The following GLB1L2 variants were observed in gnomAD, a reference collection of about 807,000 sequenced individuals.
The protein encoded by GLB1L2 is beta-galactosidase-1-like protein 2.
Under a neutral mutation model 84.1 loss-of-function variants are expected in GLB1L2, and 68 were observed. That is an observed-to-expected ratio of 0.81 (90% confidence interval 0.67 to 0.99). GLB1L2 has a LOEUF of 0.99. GLB1L2 is among the 50% of genes least tolerant of loss of function. The pLI, the probability that GLB1L2 is intolerant of heterozygous loss-of-function variation, is 0.00. For synonymous variants in GLB1L2, 290 were observed against 318.0 expected (o/e 0.91, Z 0.94); for missense variants, 762 against 805.6 (o/e 0.95, Z 0.66).
intron 7 of GLB1L2, among the ~76,000 whole-genome samples, chr11:134,362,242 C>CTACTA (rs1943803199): frequency 6.6e-6 from 1 of 152,082 alleles, no homozygotes; most frequent in Non-Finnish European, 1.5e-5. Flanking sequence ...TCATAGCATA[C>CTACTA]TTTAGAAATG....
At chr11:134,347,133 A>C (rs1210521821) in intron 4 of GLB1L2, 192 bp from the exon 5 acceptor site, 1 of 579,596 alleles carries the variant, frequency 1.7e-6, no homozygotes, top group Non-Finnish European at 3.1e-6. Flanking sequence ...GGGAAGCTGC[A>C]GGAGTGCGGG....
Position 134,332,050 on chromosome 11 carries a change from AGAG to A in GLB1L2, c.-11_-9del. On this transcript the variant is annotated 5_prime_UTR_variant, in exon 1 of 19. Coordinates refer to ENST00000535456, the MANE Select transcript of GLB1L2 (RefSeq NM_001370461.1). ...AGTGGGAACCCGGGTCCCCGCGCTT[AGAG>A]AACACGCGATGACCACGTGGAGCCT... The A allele has an allele frequency of 6.5e-7, 1 of 1,550,092 alleles. No individual in the cohort carries two copies. The highest frequency in any genetic ancestry group is 1.2e-5 in the South Asian group (1 of 84,832).
At chr11:134,358,156 C>T (rs1280163651) in intron 6 of GLB1L2, among the ~76,000 whole-genome samples, 6 of 152,256 alleles carry the variant, frequency 3.9e-5, no homozygotes, top group South Asian at 4.1e-4. Context: ...AAGATTTCAG[C>T]GGAAATAAAC....
At chr11:134,356,232 G>A in intron 5 of GLB1L2, 69 bp from the exon 6 acceptor site, 1 of 1,172,984 alleles carries the variant, frequency 8.5e-7, no homozygotes, top group South Asian at 1.2e-5. Flanking sequence ...CTGGTGATGG[G>A]CGTGGCAGGG....
chr11:134,369,466 A>G (rs1462961602), intron 10 of GLB1L2, among the ~76,000 whole-genome samples: 1 of 143,836 alleles, frequency 7.0e-6, no homozygotes, highest in African/African-American at 3.0e-5. Context: ...AAGTGCTGGG[A>G]TTACAGGTGC....
chr11:134,368,609 C>A, intron 9 of GLB1L2, 35 bp from the exon 10 acceptor site: 1 of 1,611,756 alleles, frequency 6.2e-7, no homozygotes, highest in Non-Finnish European at 8.5e-7. Flanking sequence ...GACTTTAACT[C>A]ACTCTGCACA....
Position 134,368,677 on chromosome 11 carries a change from C to A in GLB1L2, c.923C>A (p.Ala308Asp), listed in dbSNP as rs1184954510. The A allele has an allele frequency of 5.0e-6, 8 of 1,613,930 alleles. No individual in the cohort carries two copies. The highest frequency in any genetic ancestry group is 6.8e-6 in the Non-Finnish European group (8 of 1,179,976). ...VLKTVSAIVD[A>D]GSSINLYMFH... is the part of the protein sequence containing the mutation. ...AAAACCGTGTCTGCCATTGTGGACG[C>A]CGGCTCCTCCATCAACCTCTACATG... Residue 308 changes from alanine to aspartate, a missense_variant, in exon 10 of 19, where the codon GCC becomes GAC. By Grantham distance (126) the Ala-to-Asp change is moderately radical. Coordinates refer to ENST00000535456, the MANE Select transcript of GLB1L2 (RefSeq NM_001370461.1).
intron 5 of GLB1L2, among the ~76,000 whole-genome samples, chr11:134,352,560 G>T (rs987750149): frequency 6.6e-6 from 1 of 151,466 alleles, no homozygotes; most frequent in African/African-American, 2.4e-5. Context: ...TCTTTTAAAT[G>T]TATTTATAGC....
rs1321730348 is a variant in GLB1L2, at chr11:134,332,051, G to A, written c.-11G>A. The A allele has an allele frequency of 1.9e-6, 3 of 1,555,540 alleles. No homozygotes were observed. The highest frequency in any genetic ancestry group is 3.8e-5 in the Admixed American group (2 of 52,892). On this transcript the variant is annotated 5_prime_UTR_variant, in exon 1 of 19. Coordinates refer to ENST00000535456, the MANE Select transcript of GLB1L2 (RefSeq NM_001370461.1). The stretch of plus-strand genomic sequence containing the variant: ...GTGGGAACCCGGGTCCCCGCGCTTA[G>A]AGAACACGCGATGACCACGTGGAGC...
Position 134,371,435 on chromosome 11 carries a change from A to C in GLB1L2, c.1371A>C (p.Thr457=), listed in dbSNP as rs1442242213. ...VHDRGQVFVN[T]VSIGFLDYKT... ...CCCTTTGGCAGGTGTTTGTGAACAC[A>C]GTATCCATAGGATTCTTGGACTACA... The change falls in exon 14 of 19, where the codon ACA becomes ACC. Residue 457 remains threonine, a synonymous_variant. Coordinates refer to ENST00000535456, the MANE Select transcript of GLB1L2 (RefSeq NM_001370461.1). 1 of 1,591,682 alleles carries C rather than the reference A, an allele frequency of 6.3e-7. No homozygotes were observed. The highest frequency in any genetic ancestry group is 8.6e-7 in the Non-Finnish European group (1 of 1,159,462).
rs1374454244 is a variant in GLB1L2, at chr11:134,364,376, C to A, written c.782C>A (p.Thr261Asn). The A allele has an allele frequency of 6.2e-7, 1 of 1,613,898 alleles. No individual in the cohort carries two copies. Among genetic ancestry groups the A allele is most frequent in the African/African-American group, 1.3e-5 (1 of 74,940 alleles). ...LQSTHELQLL[T>N]TFLFNVQGTQ... ...TCAACACACGAGCTGCAGCTACTGACCACCTTTCTCTTCAACGTCCAGGTA... is the reference window on the plus strand; with the variant it reads ...TCAACACACGAGCTGCAGCTACTGAACACCTTTCTCTTCAACGTCCAGGTA... Residue 261 changes from threonine to asparagine, a missense_variant, in exon 8 of 19, where the codon ACC becomes AAC. Physicochemically the swap from Thr to Asn is moderately conservative, Grantham distance 65 (BLOSUM62 0). Around this residue, in one of 3 missense-constraint regions of GLB1L2, gnomAD observed 603 missense variants for 611.7 expected, o/e 0.99. Coordinates refer to ENST00000535456, the MANE Select transcript of GLB1L2 (RefSeq NM_001370461.1).
chr11:134,357,859 G>A (rs2136277836), intron 6 of GLB1L2, among the ~76,000 whole-genome samples: 1 of 152,364 alleles, frequency 6.6e-6, no homozygotes, highest in African/African-American at 2.4e-5. Context: ...TCAGGCGGGA[G>A]CAATTATCCC....
At chr11:134,336,427 ACACATATTATCC>A (rs1943389038) in intron 1 of GLB1L2, among the ~76,000 whole-genome samples, 3 of 152,228 alleles carry the variant, frequency 2.0e-5, no homozygotes, top group Admixed American at 1.3e-4. Flanking sequence ...GAAGATAGCT[ACACATATTATCC>A]CACTTGTCCA....
chr11:134,362,046 C>G (rs1423212221), intron 7 of GLB1L2, among the ~76,000 whole-genome samples: 1 of 152,196 alleles, frequency 6.6e-6, no homozygotes, highest in Admixed American at 6.5e-5. Context: ...GCTCCACCCT[C>G]TCGTCCTCGG....
Position 134,370,841 on chromosome 11 carries a change from T to G in GLB1L2, c.1216-167T>G, listed in dbSNP as rs1200881916. Among the ~76,000 whole-genome samples, 1 of 152,118 alleles carries G rather than the reference T, an allele frequency of 6.6e-6. No individual in the cohort carries two copies. The highest frequency in any genetic ancestry group is 1.5e-5 in the Non-Finnish European group (1 of 68,014). On this transcript the variant is annotated intron_variant, in intron 12 of 18. Coordinates refer to ENST00000535456, the MANE Select transcript of GLB1L2 (RefSeq NM_001370461.1). This position sits in a 1 kb window ranked among gnomAD's most constrained non-coding sequence, Gnocchi z 4.7. ...GGTGCACACCCCTTTGCCCCACTCC[T>G]CTTCCCCGTCACCCTGGAGAGTTGT... is the stretch of plus-strand genomic sequence containing the variant.
chr11:134,352,374 C>A (rs1409269041), intron 5 of GLB1L2, among the ~76,000 whole-genome samples: 1 of 151,948 alleles, frequency 6.6e-6, no homozygotes, highest in Non-Finnish European at 1.5e-5. Context: ...TTTTGTTGAT[C>A]TTTTCAAATA....
chr11:134,347,243 C>T, intron 4 of GLB1L2, 82 bp from the exon 5 acceptor site: 1 of 996,998 alleles, frequency 1.0e-6, no homozygotes, highest in Non-Finnish European at 1.6e-6. Flanking sequence ...GGGGGCCTCT[C>T]CCTTCTCACG....
intron 1 of GLB1L2, among the ~76,000 whole-genome samples, chr11:134,332,693 A>G (rs957966055): frequency 6.6e-6 from 1 of 152,188 alleles, no homozygotes; most frequent in Non-Finnish European, 1.5e-5. Context: ...TTATTTGCAC[A>G]GTAGGACTGA....
At chr11:134,352,723 C>T in intron 5 of GLB1L2, among the ~76,000 whole-genome samples, 1 of 151,406 alleles carries the variant, frequency 6.6e-6, no homozygotes, top group Non-Finnish European at 1.5e-5. Context: ...TCTCAGCTCA[C>T]TACAACGTCC....
Sources: allele counts gnomAD v4.1 joint callset (sites outside exome capture counted in the v4.1 genomes callset), GRCh38; gene constraint gnomAD v4.1.1; regional missense constraint gnomAD v4.1.1; non-coding constraint Gnocchi (gnomAD v3.1); transcripts MANE v1.5; gene names NCBI Gene and HGNC (gene_info 2026-07-23, HGNC 2026-07-21).